Variants in PLCL1 observed in about 807,000 individuals in gnomAD.
The protein encoded by PLCL1 is phospholipase C like 1 (inactive).
A neutral mutation model predicts 84.4 loss-of-function variants in PLCL1; 41 were observed. The observed-to-expected ratio is 0.49, with a 90% CI of 0.38 to 0.63. The LOEUF (loss-of-function observed/expected upper bound fraction) is 0.63. Among genes scored for constraint, PLCL1 ranks in the 30% least tolerant of loss-of-function variants. The pLI is 0.00. For synonymous variants in PLCL1, 490 were observed against 488.3 expected (o/e 1.00, Z -0.05); for missense variants, 1,206 against 1,367.8 (o/e 0.88, Z 1.87).
rs952684196 is a variant in PLCL1, at chr2:198,147,345, T to C, written c.*383T>C. 6.5e-6 allele frequency: 1 copy of C among 154,962 alleles called. No homozygotes were observed. The highest frequency in any genetic ancestry group is 1.4e-5 in the Non-Finnish European group (1 of 69,860). 9.6% of individuals were successfully genotyped at this position (154,962 alleles called of 1,614,324 possible). On this transcript the variant is annotated 3_prime_UTR_variant, in exon 6 of 6. Coordinates refer to ENST00000428675, the MANE Select transcript of PLCL1 (RefSeq NM_006226.4). The stretch of plus-strand genomic sequence containing the variant: ...GATCATTTTGGGACAATTGTTTTAA[T>C]CTGAAATTCTAAAGAGCACTTACTG...
chr2:197,978,292 C>T (rs747368446), intron 1 of PLCL1, among the ~76,000 whole-genome samples: 15 of 151,934 alleles, frequency 9.9e-5, no homozygotes, highest in Non-Finnish European at 1.9e-4. Flanking sequence ...CTGGCTAACA[C>T]GGTGAAACCC....
chr2:198,046,562 G>C (rs1691798811), intron 1 of PLCL1, among the ~76,000 whole-genome samples: 1 of 152,162 alleles, frequency 6.6e-6, no homozygotes, highest in African/African-American at 2.4e-5. Context: ...CCCTTTTCAG[G>C]CTCAGTGGCT....
At chr2:197,835,682 C>A (rs1354438359) in intron 1 of PLCL1, among the ~76,000 whole-genome samples, 1 of 152,156 alleles carries the variant, frequency 6.6e-6, no homozygotes, top group Admixed American at 6.5e-5. Context: ...TTCTTCGCCT[C>A]TAAAATGGGA....
At chr2:198,109,153 A>T (rs953991512) in intron 5 of PLCL1, among the ~76,000 whole-genome samples, 2 of 151,874 alleles carry the variant, frequency 1.3e-5, no homozygotes, top group Admixed American at 6.6e-5. Context: ...TGGGGCTGAG[A>T]AATCCAAGAT....
At chr2:197,922,011 TTTTTTTAAA>T (rs1454717776) in intron 1 of PLCL1, among the ~76,000 whole-genome samples, 1 of 148,288 alleles carries the variant, frequency 6.7e-6, no homozygotes, top group Non-Finnish European at 1.5e-5. Context: ...TTTTTTTTTT[TTTTTTTAAA>T]TTTATTTTTT....
At chr2:197,897,098 CCTT>C (rs1156287674) in intron 1 of PLCL1, among the ~76,000 whole-genome samples, 1 of 117,874 alleles carries the variant, frequency 8.5e-6, no homozygotes. Context: ...AAGTATGACT[CCTT>C]CTTCTTCTTC....
rs189526955 is a variant in PLCL1, at chr2:197,846,339, G to T, written c.240+41000G>T. Among the ~76,000 whole-genome samples the T allele has an allele frequency of 6.6e-5, 10 of 152,034 alleles. 1 individual carries two copies. Among genetic ancestry groups the T allele is most frequent in the African/African-American group, 1.9e-4 (8 of 41,400 alleles). On this transcript the variant is annotated intron_variant, in intron 1 of 5. Transcript: ENST00000428675. ...GATTCATATAGAGATCATTATAATC[G>T]CAAAGGCAAATTATGTTTAGGAGGC... is the stretch of plus-strand genomic sequence containing the variant.
intron 5 of PLCL1, among the ~76,000 whole-genome samples, chr2:198,140,153 C>G (rs1206239414): frequency 1.3e-5 from 2 of 152,040 alleles, no homozygotes; most frequent in Non-Finnish European, 2.9e-5. Flanking sequence ...GCGCCTGGCC[C>G]ATACTTCTTT....
intron 5 of PLCL1, among the ~76,000 whole-genome samples, chr2:198,133,526 TA>T (rs60995329): frequency 0.07 from 3,920 of 56,024 alleles, 153 homozygotes; most frequent in African/African-American, 0.2. Context: ...TAAAGTATAA[TA>T]AAAAAAAAAA....
rs573908017 is a variant in PLCL1, at chr2:197,819,943, G to T, written c.240+14604G>T. On this transcript the variant is annotated intron_variant, in intron 1 of 5. Coordinates refer to ENST00000428675, the MANE Select transcript of PLCL1 (RefSeq NM_006226.4). ...GTGTATGTAGTAGGGTTGGGGGAAG[G>T]TATACTTTTACTCTTCATTTTCTTT... Among the ~76,000 whole-genome samples, 65 of 151,086 alleles carry T rather than the reference G, an allele frequency of 4.3e-4. 2 individuals carry two copies. In the South Asian group the frequency reaches 9.4e-3, roughly 22 times the overall value.
At chr2:198,110,810 C>T (rs908413346) in intron 5 of PLCL1, among the ~76,000 whole-genome samples, 2 of 151,820 alleles carry the variant, frequency 1.3e-5, no homozygotes, top group Non-Finnish European at 2.9e-5. Flanking sequence ...GTATCATCCA[C>T]ATTGTCTATT....
chr2:197,806,986 G>A (rs1349634680), intron 1 of PLCL1, among the ~76,000 whole-genome samples: 1 of 152,092 alleles, frequency 6.6e-6, no homozygotes, highest in African/African-American at 2.4e-5. Flanking sequence ...TTGTTTTGAA[G>A]TTTCTTTTTG....
rs1275127943 is a variant in PLCL1 at position 197,804,793 on chromosome 2, C to A, written c.-307C>A. ...CAGGGCCGGCGTTTGCATCACATTTCGGATACCTCCCTCTCTTTTTCGCCT... is the reference window on the plus strand; with the variant it reads ...CAGGGCCGGCGTTTGCATCACATTTAGGATACCTCCCTCTCTTTTTCGCCT... On this transcript the variant is annotated 5_prime_UTR_variant, in exon 1 of 6. Coordinates refer to ENST00000428675, the MANE Select transcript of PLCL1 (RefSeq NM_006226.4). 1.1e-5 allele frequency: 3 copies of A among 278,978 alleles called. No individual in the cohort carries two copies. Among genetic ancestry groups the A allele is most frequent in the Admixed American group, 5.4e-5 (1 of 18,472 alleles). 17.3% of individuals were successfully genotyped at this position (278,978 alleles called of 1,614,324 possible).
At chr2:198,045,775 A>G (rs1460998950) in intron 1 of PLCL1, among the ~76,000 whole-genome samples, 1 of 152,214 alleles carries the variant, frequency 6.6e-6, no homozygotes, top group East Asian at 1.9e-4. Flanking sequence ...TCAGATGAAA[A>G]GCAAAAATGG....
chr2:198,048,179 T>G (rs901907709), intron 1 of PLCL1, among the ~76,000 whole-genome samples: 2 of 152,182 alleles, frequency 1.3e-5, no homozygotes, highest in African/African-American at 4.8e-5. Flanking sequence ...CCCAGTCCTG[T>G]TGGGGTACTA....
In PLCL1 at chr2:197,994,654, A is replaced by G. The variant is rs533713593; in HGVS notation, c.241-89104A>G. The stretch of plus-strand genomic sequence containing the variant: ...AAATTAGGTAAATGAAAATATTTCA[A>G]CATTTGGTAAGGTGTGCCTAAATTA... On this transcript the variant is annotated intron_variant, in intron 1 of 5. Transcript: ENST00000428675. 4.6e-5 allele frequency among the ~76,000 whole-genome samples: 7 copies of G among 152,340 alleles called. No homozygotes were observed. In the South Asian group the frequency reaches 8.3e-4, roughly 18 times the overall value.
At chr2:197,825,565 A>G (rs764873552) in intron 1 of PLCL1, among the ~76,000 whole-genome samples, 19 of 152,168 alleles carry the variant, frequency 1.2e-4, no homozygotes, top group Non-Finnish European at 4.4e-5. Context: ...TTTATCTCCC[A>G]TCTCTCACCC....
chr2:198,120,187 A>T (rs994865176), intron 5 of PLCL1, among the ~76,000 whole-genome samples: 4 of 151,886 alleles, frequency 2.6e-5, no homozygotes, highest in African/African-American at 9.7e-5. Flanking sequence ...TAAAAAAAAT[A>T]ATTTTTGTGG....
rs1018823906 is a variant in PLCL1 at position 198,147,000 on chromosome 2, G to T, written c.*38G>T. 3 of 1,496,850 alleles carry T rather than the reference G, an allele frequency of 2.0e-6. No individual in the cohort carries two copies. In the South Asian group the frequency reaches 4.0e-5, roughly 20 times the overall value. The allele number at this position is 1,496,850 out of a possible 1,614,324, so 92.7% of individuals were successfully genotyped here. A position where few individuals can be genotyped will look rare whatever the true frequency, so the allele number is the denominator to read the frequency against. On this transcript the variant is annotated 3_prime_UTR_variant, in exon 6 of 6. Coordinates refer to ENST00000428675, the MANE Select transcript of PLCL1 (RefSeq NM_006226.4). ...TCGACACGTTCACCCATCTTATCAAGGACTCTGGTTTCTCATTCTTGTTTT... is the reference window on the plus strand; with the variant it reads ...TCGACACGTTCACCCATCTTATCAATGACTCTGGTTTCTCATTCTTGTTTT...
Sources: gnomAD v4.1 joint callset for allele counts (sites outside exome capture counted in the v4.1 genomes callset) on GRCh38, gnomAD v4.1.1 for gene constraint, MANE v1.5 for transcripts, NCBI Gene and HGNC (gene_info 2026-07-23, HGNC 2026-07-21) for gene names.